The following CUL7 variants were observed in gnomAD, a reference collection of about 807,000 sequenced individuals.
The protein encoded by CUL7 is cullin 7.
CUL7 carries 96 observed loss-of-function variants against 177.7 expected under a neutral mutation model. That is an observed-to-expected ratio of 0.54 (90% CI 0.46 to 0.64). CUL7 has a LOEUF of 0.64. CUL7 is among the 30% of genes least tolerant of loss of function. The pLI, the probability that CUL7 is intolerant of heterozygous loss-of-function variation, is 0.00. For missense variants in CUL7, 1,893 were observed against 2,187.9 expected (o/e 0.87, Z 2.69); for synonymous variants, 824 against 890.2 (o/e 0.93, Z 1.32).
chr6:43,041,210 T>C (rs1349926865), intron 19 of CUL7, 135 bp from the exon 20 acceptor site: 2 of 765,216 alleles, frequency 2.6e-6, no homozygotes, highest in Non-Finnish European at 4.6e-6. Flanking sequence ...CATACAACTA[T>C]TTTATAAGAT....
In CUL7 at chr6:43,040,731, G is replaced by T. The variant is rs1763340432; in HGVS notation, c.3822C>A (p.Asp1274Glu). The change falls in exon 21 of 26, where the codon GAC (aspartate) becomes GAA (glutamate). Residue 1274 changes from aspartate to glutamate, a missense_variant. Transcript: ENST00000265348. This position sits in a 1 kb window ranked among gnomAD's most constrained non-coding sequence, Gnocchi z 4.2. ...AGCTCGAGACCACGCCCAGGAGACG[G>T]TCCGCCATGTAGTGCCTGCAGTGCA... ...FEHYYQHYMA[D>E]RLLGVVSSWL... is the part of the protein sequence containing the mutation. The T allele has an allele frequency of 1.9e-6, 3 of 1,614,104 alleles. No homozygotes were observed. Among genetic ancestry groups the T allele is most frequent in the Non-Finnish European group, 2.5e-6 (3 of 1,180,030 alleles).
Position 43,038,317 on chromosome 6 carries a change from G to C in CUL7, c.4723C>G (p.Leu1575Val). 1 of 1,614,202 alleles carries C rather than the reference G, an allele frequency of 6.2e-7. No homozygotes were observed. Among genetic ancestry groups the C allele is most frequent in the African/African-American group, 1.3e-5 (1 of 75,046 alleles). ...AGCCCCTCATCTCCATGGGCCTTGAGGATTCGGACGATGAGGCAGTTCAGA... is the reference window on the plus strand; with the variant it reads ...AGCCCCTCATCTCCATGGGCCTTGACGATTCGGACGATGAGGCAGTTCAGA... The part of the protein sequence containing the change: ...NLLNCLIVRI[L>V]KAHGDEGLHI... The change falls in exon 25 of 26, where the codon CTC becomes GTC. Residue 1575 changes from leucine (L) to valine (V), a missense_variant. Leu to Val is a conservative substitution (Grantham distance 32). Coordinates refer to ENST00000265348, the MANE Select transcript of CUL7 (RefSeq NM_014780.5).
chr6:43,047,775 C>A (rs1764037690), intron 9 of CUL7, among the ~76,000 whole-genome samples: 1 of 152,090 alleles, frequency 6.6e-6, no homozygotes. Flanking sequence ...ATCTCCATAT[C>A]CTTTTGTGTA....
In CUL7 at chr6:43,045,104, C is replaced by T; in HGVS notation, c.3038+123G>A. The T allele has an allele frequency of 2.9e-6, 4 of 1,401,220 alleles. No individual in the cohort carries two copies. The highest frequency in any genetic ancestry group is 3.9e-6 in the Non-Finnish European group (4 of 1,018,404). 86.8% of individuals were successfully genotyped at this position (1,401,220 alleles called of 1,614,324 possible). A position where few individuals can be genotyped will look rare whatever the true frequency, so the allele number is the denominator to read the frequency against. On this transcript the variant is annotated intron_variant, in intron 15 of 25. Coordinates refer to ENST00000265348, the MANE Select transcript of CUL7 (RefSeq NM_014780.5). The surrounding 1 kb of genome is among the most constrained non-coding windows in gnomAD (Gnocchi z 4.8). ...TCCCCTCCCACAGCTCAGAAAACTC[C>T]AGCCCCCTCCCCACGCATATTAAAC... is the stretch of plus-strand genomic sequence containing the variant.
At position 43,038,478 on chromosome 6, in the gene CUL7, A is replaced by G. The variant is rs752561391; in HGVS notation, c.4568-6T>C. On this transcript the variant is annotated splice_polypyrimidine_tract_variant and splice_region_variant and intron_variant, in intron 24 of 25. Coordinates refer to ENST00000265348, the MANE Select transcript of CUL7 (RefSeq NM_014780.5). ...ATCTCGAATCTTGAGGACCCCTGAA[A>G]TAAATGCTGATCACTCACTCAGTGG... 9 of 1,614,102 alleles carry G rather than the reference A, an allele frequency of 5.6e-6. No homozygotes were observed. The highest frequency in any genetic ancestry group is 7.6e-6 in the Non-Finnish European group (9 of 1,179,996).
rs141983206 is a variant in CUL7 at position 43,045,472 on chromosome 6, G to A, written c.2863-70C>T. The A allele has an allele frequency of 5.1e-5, 83 of 1,613,678 alleles. No homozygotes were observed. In the East Asian group the frequency reaches 1.4e-3, roughly 27 times the overall value. ...ATGGGCTGGGGTCAGCTACGCCCTC[G>A]AACCTCACCCCTGGAGCTGCTCGAG... On this transcript the variant is annotated intron_variant, in intron 14 of 25. Transcript: ENST00000265348. The surrounding 1 kb of genome is among the most constrained non-coding windows in gnomAD (Gnocchi z 4.8).
At chr6:43,042,747 G>T in intron 19 of CUL7, 55 bp downstream of exon 19, 1 of 1,176,944 alleles carries the variant, frequency 8.5e-7, no homozygotes, top group Non-Finnish European at 1.3e-6. Flanking sequence ...GAGGAGGTGA[G>T]GAAGGGAGAG....
Position 43,045,212 on chromosome 6 carries a change from C to T in CUL7, c.3038+15G>A. On this transcript the variant is annotated intron_variant, in intron 15 of 25. Transcript: ENST00000265348. This position sits in a 1 kb window ranked among gnomAD's most constrained non-coding sequence, Gnocchi z 4.8. The stretch of plus-strand genomic sequence containing the variant: ...TTTCCCACAGACACAAGCATACACG[C>T]ACACTCTCACACACCTAGAACTCAG... 6.2e-7 allele frequency: 1 copy of T among 1,612,602 alleles called. No homozygotes were observed. Among genetic ancestry groups the T allele is most frequent in the Non-Finnish European group, 8.5e-7 (1 of 1,179,288 alleles).
At chr6:43,039,980 T>C (rs553487685) in intron 22 of CUL7, among the ~76,000 whole-genome samples, 176 bp downstream of exon 22, 1 of 152,298 alleles carries the variant, frequency 6.6e-6, no homozygotes, top group East Asian at 1.9e-4. Flanking sequence ...CCTCAAGTGA[T>C]CTGCCTGCCT....
chr6:43,043,743 G>A lies in CUL7; in HGVS notation c.3173-113C>T, dbSNP rs1291888207. On this transcript the variant is annotated intron_variant, in intron 16 of 25. Transcript: ENST00000265348. This position sits in a 1 kb window ranked among gnomAD's most constrained non-coding sequence, Gnocchi z 4.2. ...CAACTGGACGGAATGATACAAGGAA[G>A]GGGGGCCAGGTAGGGTGGTTTACGC... The A allele has an allele frequency of 2.6e-6, 2 of 766,612 alleles. No homozygotes were observed. Among genetic ancestry groups the A allele is most frequent in the Non-Finnish European group, 2.3e-6 (1 of 432,500 alleles). The allele number at this position is 766,612 out of a possible 1,614,324, so 47.5% of individuals were successfully genotyped here.
intron 9 of CUL7, 126 bp downstream of exon 9, chr6:43,048,022 G>T: frequency 1.5e-6 from 1 of 652,216 alleles, no homozygotes; most frequent in Non-Finnish European, 2.8e-6. Flanking sequence ...AATTTTAAAA[G>T]CAAAACTCAA....
rs376225985 is a variant in CUL7, at chr6:43,038,578, C to A, written c.4555G>T (p.Asp1519Tyr). 1 of 1,614,146 alleles carries A rather than the reference C, an allele frequency of 6.2e-7. No homozygotes were observed. The highest frequency in any genetic ancestry group is 8.5e-7 in the Non-Finnish European group (1 of 1,180,008). The change falls in exon 24 of 26, where the codon GAT becomes TAT. Residue 1519 changes from aspartate (D) to tyrosine (Y), a missense_variant. Physicochemically the swap from Asp to Tyr is radical, Grantham distance 160. Around this residue, in one of 5 missense-constraint regions of CUL7, gnomAD observed 248 missense variants for 262.5 expected, o/e 0.94. Coordinates refer to ENST00000265348, the MANE Select transcript of CUL7 (RefSeq NM_014780.5). ...RGPLDLHEQK[D>Y]IPGGVLKIRD... ...CCTAAGTGCATACCTCCTGGTATAT[C>A]CTTTTGCTCGTGAAGGTCCAGGGGG...
chr6:43,045,878 G>T lies in CUL7; in HGVS notation c.2766+108C>A. 1.8e-6 allele frequency: 2 copies of T among 1,098,248 alleles called. No individual in the cohort carries two copies. Among genetic ancestry groups the T allele is most frequent in the Non-Finnish European group, 1.4e-6 (1 of 730,496 alleles). The allele number at this position is 1,098,248 out of a possible 1,614,324, so 68.0% of individuals were successfully genotyped here. A position where few individuals can be genotyped will look rare whatever the true frequency, so the allele number is the denominator to read the frequency against. ...GGGATAAAGGACACTACTTTCTGTG[G>T]GGCTCAAGACAGGTGGGAGTTAGAA... On this transcript the variant is annotated intron_variant, in intron 13 of 25. Transcript: ENST00000265348. The surrounding 1 kb of genome is among the most constrained non-coding windows in gnomAD (Gnocchi z 4.8).
chr6:43,048,762 T>C (rs1038412793), intron 7 of CUL7, among the ~76,000 whole-genome samples, 193 bp from the exon 8 acceptor site: 3 of 151,990 alleles, frequency 2.0e-5, no homozygotes, highest in Non-Finnish European at 4.4e-5. Flanking sequence ...ACAAATTTTA[T>C]ATTCTTTTTT....
intron 19 of CUL7, 179 bp from the exon 20 acceptor site, chr6:43,041,254 A>G: frequency 1.6e-6 from 1 of 635,702 alleles, no homozygotes; most frequent in Admixed American, 2.6e-5. Context: ...AATATTAACA[A>G]TTATGGAAAG....
chr6:43,053,741 G>C lies in CUL7; in HGVS notation c.-128C>G, dbSNP rs1764670757. The C allele has an allele frequency of 8.1e-6, 12 of 1,484,390 alleles. No individual in the cohort carries two copies. The highest frequency in any genetic ancestry group is 9.8e-6 in the Non-Finnish European group (11 of 1,119,984). The allele number at this position is 1,484,390 out of a possible 1,614,324, so 92.0% of individuals were successfully genotyped here. A position where few individuals can be genotyped will look rare whatever the true frequency, so the allele number is the denominator to read the frequency against. ...CCCCGCGAGGGGGTCGAGACGGAGA[G>C]ACGGGAGGGGGCGTGCCTCCGCGGA... On this transcript the variant is annotated 5_prime_UTR_variant, in exon 1 of 26. Transcript: ENST00000265348. This position sits in a 1 kb window ranked among gnomAD's most constrained non-coding sequence, Gnocchi z 4.1.
At position 43,050,909 on chromosome 6, in the gene CUL7, C is replaced by A; in HGVS notation, c.1233+59G>T. On this transcript the variant is annotated intron_variant, in intron 4 of 25. Transcript: ENST00000265348. The surrounding 1 kb of genome is among the most constrained non-coding windows in gnomAD (Gnocchi z 4.1). Reference sequence around the variant, plus strand: ...CTGGAGCCCCCCCATATAGAAGTCCCAGCTCTGCCCTACCCCAAATAGACC... The same window carrying A: ...CTGGAGCCCCCCCATATAGAAGTCCAAGCTCTGCCCTACCCCAAATAGACC... The A allele has an allele frequency of 1.2e-6, 2 of 1,603,004 alleles. No homozygotes were observed.
At position 43,048,542 on chromosome 6, in the gene CUL7, T is replaced by C; in HGVS notation, c.1853A>G (p.Asn618Ser). ...CTCCACCAGACGCTGCAGGGGAGTG[T>C]TGGGACTCTGAGATGGGGGTTCTTT... is the stretch of plus-strand genomic sequence containing the variant. ...EAKEPPSQSP[N>S]TPLQRLVEGY... Residue 618 changes from asparagine (N) to serine (S), a missense_variant, in exon 8 of 26, where the codon AAC becomes AGC. Asn to Ser is a conservative substitution (Grantham distance 46). This residue lies in a region of CUL7 where 973 missense variants were observed against 1,140.9 expected (regional missense o/e 0.85). Coordinates refer to ENST00000265348, the MANE Select transcript of CUL7 (RefSeq NM_014780.5). The C allele has an allele frequency of 1.9e-6, 3 of 1,614,038 alleles. No individual in the cohort carries two copies. Among genetic ancestry groups the C allele is most frequent in the African/African-American group, 1.3e-5 (1 of 75,018 alleles).
Position 43,042,861 on chromosome 6 carries a change from C to T in CUL7, c.3586G>A (p.Ala1196Thr). 6.2e-7 allele frequency: 1 copy of T among 1,613,862 alleles called. No homozygotes were observed. The highest frequency in any genetic ancestry group is 8.5e-7 in the Non-Finnish European group (1 of 1,179,874). The change falls in exon 19 of 26, where the codon GCG becomes ACG. Residue 1196 changes from alanine to threonine, a missense_variant. Ala to Thr is a moderately conservative substitution (Grantham distance 58). Coordinates refer to ENST00000265348, the MANE Select transcript of CUL7 (RefSeq NM_014780.5). ...LFGPRAAFLL[A>T]LQNGCAGALL... ...GCTCCCGCACAGCCATTTTGCAGCGCCAGCAAGAAGGCTGCCCGAGGCCCA... is the reference window on the plus strand; with the variant it reads ...GCTCCCGCACAGCCATTTTGCAGCGTCAGCAAGAAGGCTGCCCGAGGCCCA...
Sources: allele counts gnomAD v4.1 joint callset (sites outside exome capture counted in the v4.1 genomes callset), GRCh38; gene constraint gnomAD v4.1.1; regional missense constraint gnomAD v4.1.1; non-coding constraint Gnocchi (gnomAD v3.1); transcripts MANE v1.5; gene names NCBI Gene and HGNC (gene_info 2026-07-23, HGNC 2026-07-21).